Variants in ANO4 observed in about 807,000 individuals in gnomAD.
The protein encoded by ANO4 is anoctamin-4.
In ANO4, 69 loss-of-function variants were observed where a neutral mutation model predicts 141.9. The ratio of observed to expected loss-of-function variants is 0.49; its 90% CI spans 0.40 to 0.59. The LOEUF (loss-of-function observed/expected upper bound fraction) is 0.59, where lower values mean the gene tolerates loss of function less well. ANO4 is among the 20% of genes least tolerant of loss of function. The pLI, the probability that ANO4 is intolerant of heterozygous loss-of-function variation, is 0.00. For missense variants in ANO4, 894 were observed against 1,162.2 expected (o/e 0.77, Z 3.36); for synonymous variants, 350 against 394.3 (o/e 0.89, Z 1.33).
intron 5 of ANO4, among the ~76,000 whole-genome samples, chr12:100,967,568 AG>A (rs1416400972): frequency 7.0e-5 from 4 of 57,116 alleles, no homozygotes; most frequent in Non-Finnish European, 1.3e-4. Flanking sequence ...GTATGTAAAG[AG>A]GACACACACA....
chr12:100,939,524 C>G, intron 4 of ANO4, 73 bp downstream of exon 4: 1 of 1,527,678 alleles, frequency 6.5e-7, no homozygotes, highest in Non-Finnish European at 8.9e-7. Flanking sequence ...TTCCAATGGA[C>G]TGTTTAAAGT....
rs370024506 is a variant in ANO4 at position 100,966,184 on chromosome 12, T to A, written c.457-5122T>A. ...AGGTTATAATTTGAGTGAGTAGGAA[T>A]GCTGTGTTCTTTTCACCATACCACC... On this transcript the variant is annotated intron_variant, in intron 5 of 27. Transcript: ENST00000392977. Among the ~76,000 whole-genome samples the A allele has an allele frequency of 6.5e-4, 99 of 152,348 alleles. 2 individuals are homozygous for A. In the South Asian group the frequency reaches 0.02, roughly 31 times the overall value.
At chr12:100,867,078 G>A (rs1283870060) in intron 1 of ANO4, among the ~76,000 whole-genome samples, 1 of 152,166 alleles carries the variant, frequency 6.6e-6, no homozygotes, top group East Asian at 1.9e-4. Context: ...GGAGGTGGGA[G>A]GTGAGGGCAT....
intron 8 of ANO4, among the ~76,000 whole-genome samples, chr12:100,999,793 C>T (rs2045555057): frequency 6.6e-6 from 1 of 151,866 alleles, no homozygotes; most frequent in African/African-American, 2.4e-5. Flanking sequence ...ACCTGTAACC[C>T]CAGCAATTTG....
chr12:100,779,134 C>T (rs994217295), intron 3 of ANO4, among the ~76,000 whole-genome samples: 2 of 152,092 alleles, frequency 1.3e-5, no homozygotes, highest in Admixed American at 6.6e-5. Context: ...GGCCACCAAC[C>T]CCCAGAGAGT....
intron 14 of ANO4, among the ~76,000 whole-genome samples, chr12:101,054,143 C>T (rs936876808): frequency 2.6e-5 from 4 of 152,158 alleles, no homozygotes; most frequent in East Asian, 1.9e-4. Context: ...TTGTGAACAA[C>T]GTAAATGTCC....
chr12:100,763,798 A>G (rs540948532), intron 3 of ANO4, among the ~76,000 whole-genome samples: 4 of 152,288 alleles, frequency 2.6e-5, no homozygotes, highest in African/African-American at 9.6e-5. Context: ...TATTGAGGAC[A>G]TGTTGGGTTT....
chr12:100,910,765 A>G (rs944196283), intron 2 of ANO4, among the ~76,000 whole-genome samples: 1 of 152,164 alleles, frequency 6.6e-6, no homozygotes, highest in Non-Finnish European at 1.5e-5. Context: ...TGTTAGACCC[A>G]TCATACAATC....
chr12:100,871,979 T>C lies in ANO4; in HGVS notation c.-140-29667T>C, dbSNP rs544037813. ...GTGTATCATGGCCACTGAATAAATTTTGAGTAGCAATCTTACCTGGTATGC... is the reference window on the plus strand; with the variant it reads ...GTGTATCATGGCCACTGAATAAATTCTGAGTAGCAATCTTACCTGGTATGC... On this transcript the variant is annotated intron_variant, in intron 1 of 27. Transcript: ENST00000392977. Among the ~76,000 whole-genome samples the C allele has an allele frequency of 2.0e-5, 3 of 152,332 alleles. No individual in the cohort carries two copies. The East Asian group carries it at 5.8e-4, about 29-fold the overall frequency.
intron 14 of ANO4, among the ~76,000 whole-genome samples, chr12:101,065,862 A>G (rs1216205724): frequency 6.6e-6 from 1 of 152,214 alleles, no homozygotes; most frequent in Non-Finnish European, 1.5e-5. Context: ...AAAATCCTCA[A>G]CAAAATATTG....
chr12:101,074,452 C>G (rs1266326747), intron 14 of ANO4, among the ~76,000 whole-genome samples: 2 of 152,218 alleles, frequency 1.3e-5, no homozygotes, highest in East Asian at 3.8e-4. Context: ...ATCATATCAC[C>G]TGTGCTCATA....
At chr12:100,974,920 T>C in intron 7 of ANO4, 31 bp downstream of exon 7, 3 of 1,612,672 alleles carry the variant, frequency 1.9e-6, no homozygotes, top group South Asian at 2.2e-5. Flanking sequence ...TGACAGTGTT[T>C]GTCTTTCTGT....
chr12:101,095,408 C>T (rs922454533), intron 18 of ANO4, among the ~76,000 whole-genome samples: 2 of 152,272 alleles, frequency 1.3e-5, no homozygotes, highest in Non-Finnish European at 2.9e-5. Context: ...GGTCCATCCA[C>T]GGTGGGGACA....
intron 1 of ANO4, among the ~76,000 whole-genome samples, chr12:100,825,878 A>T (rs1196899697): frequency 6.6e-6 from 1 of 152,070 alleles, no homozygotes; most frequent in Non-Finnish European, 1.5e-5. Context: ...GGAGGATTTA[A>T]GTGTTATTAT....
At chr12:100,770,622 C>T (rs910812314) in intron 3 of ANO4, among the ~76,000 whole-genome samples, 10 of 152,104 alleles carry the variant, frequency 6.6e-5, no homozygotes, top group Non-Finnish European at 1.5e-4. Flanking sequence ...GACACAAACA[C>T]CTCTTGCATT....
At chr12:100,899,737 G>A (rs564574687) in intron 1 of ANO4, among the ~76,000 whole-genome samples, 2 of 152,190 alleles carry the variant, frequency 1.3e-5, no homozygotes, top group Non-Finnish European at 2.9e-5. Flanking sequence ...TTACCTCTTA[G>A]CAGACTTGTT....
chr12:100,909,277 T>G (rs1326564123), intron 2 of ANO4, among the ~76,000 whole-genome samples: 1 of 152,174 alleles, frequency 6.6e-6, no homozygotes, highest in East Asian at 1.9e-4. Flanking sequence ...TTTTGAAGAT[T>G]TAGGAGGACA....
At position 100,896,406 on chromosome 12, in the gene ANO4, G is replaced by A. The variant is rs553345118; in HGVS notation, c.-140-5240G>A. Among the ~76,000 whole-genome samples the A allele has an allele frequency of 1.6e-4, 25 of 151,660 alleles. No homozygotes were observed. In the East Asian group the frequency reaches 2.3e-3, roughly 14 times the overall value. On this transcript the variant is annotated intron_variant, in intron 1 of 27. Transcript: ENST00000392977. ...GGAACACCAAGGAATGCTGGCGCCC[G>A]TGAGAAGCTGAAGGAGGCAAGGAAT... is the stretch of plus-strand genomic sequence containing the variant.
At chr12:100,837,047 G>T (rs2036964721) in intron 1 of ANO4, among the ~76,000 whole-genome samples, 1 of 152,134 alleles carries the variant, frequency 6.6e-6, no homozygotes, top group African/African-American at 2.4e-5. Context: ...TTAATAGGTA[G>T]GTTGAAGAAA....
Sources: allele counts gnomAD v4.1 joint callset (sites outside exome capture counted in the v4.1 genomes callset), GRCh38; gene constraint gnomAD v4.1.1; transcripts MANE v1.5; gene names NCBI Gene and HGNC (gene_info 2026-07-23, HGNC 2026-07-21).